The following RUBCNL variants were observed in gnomAD, a reference collection of about 807,000 sequenced individuals.
The protein encoded by RUBCNL is protein associated with UVRAG as autophagy enhancer.
In RUBCNL, 62 loss-of-function variants were observed where a neutral mutation model predicts 69.5. The observed-to-expected ratio is 0.89, with a 90% CI of 0.73 to 1.10. RUBCNL has a LOEUF of 1.10. Among genes scored for constraint, RUBCNL ranks in the 50% least tolerant of loss-of-function variants. The probability of loss-of-function intolerance (pLI) is 0.00; values close to 1 mark genes in which losing one functional copy is unlikely to be tolerated. For synonymous variants in RUBCNL, 291 were observed against 303.6 expected (o/e 0.96, Z 0.43); for missense variants, 768 against 798.1 (o/e 0.96, Z 0.45).
intron 9 of RUBCNL, among the ~76,000 whole-genome samples, chr13:46,357,285 A>G (rs1211848655): frequency 6.8e-6 from 1 of 146,970 alleles, no homozygotes; most frequent in Non-Finnish European, 1.5e-5. Flanking sequence ...GTGAGCCAAG[A>G]TCGCGCCACT....
Position 46,334,936 on chromosome 13 carries a change from G to T in RUBCNL, c.*8449C>A, listed in dbSNP as rs558783475. 6.6e-6 allele frequency among the ~76,000 whole-genome samples: 1 copy of T among 152,134 alleles called. No individual in the cohort carries two copies. On this transcript the variant is annotated 3_prime_UTR_variant, in exon 15 of 15. Transcript: ENST00000429979. ...GACTCACTGTACCCCAAAGGAAAGTGGGGGAAGATTTGGGGGTATACTAAG... is the reference window on the plus strand; with the variant it reads ...GACTCACTGTACCCCAAAGGAAAGTTGGGGAAGATTTGGGGGTATACTAAG...
intron 10 of RUBCNL, among the ~76,000 whole-genome samples, chr13:46,351,257 G>A (rs2048363017): frequency 6.6e-6 from 1 of 152,102 alleles, no homozygotes; most frequent in Non-Finnish European, 1.5e-5. Flanking sequence ...GCGAGACCCT[G>A]TCACAAATTG....
At chr13:46,359,168 T>C (rs2048555738) in intron 9 of RUBCNL, among the ~76,000 whole-genome samples, 1 of 152,052 alleles carries the variant, frequency 6.6e-6, no homozygotes, top group Non-Finnish European at 1.5e-5. Flanking sequence ...AATTTTTAAG[T>C]TTTGATATTA....
chr13:46,349,413 C>T (rs1388646676), intron 11 of RUBCNL, 66 bp from the exon 12 acceptor site: 7 of 1,437,034 alleles, frequency 4.9e-6, no homozygotes, highest in Non-Finnish European at 6.8e-6. Context: ...AAGTGCAAGT[C>T]AAATTTAAAT....
At position 46,337,203 on chromosome 13, in the gene RUBCNL, C is replaced by G. The variant is rs1404130935; in HGVS notation, c.*6182G>C. The stretch of plus-strand genomic sequence containing the variant: ...CTGTTGTCAGGCTGGAGTACAGTGG[C>G]GTGATCTCAGCTCACCGCAACCTTC... On this transcript the variant is annotated 3_prime_UTR_variant, in exon 15 of 15. Transcript: ENST00000429979. Among the ~76,000 whole-genome samples the G allele has an allele frequency of 6.6e-6, 1 of 151,974 alleles. No individual in the cohort carries two copies. The highest frequency in any genetic ancestry group is 1.5e-5 in the Non-Finnish European group (1 of 68,004).
At chr13:46,349,536 T>C (rs1321091359) in intron 11 of RUBCNL, among the ~76,000 whole-genome samples, 189 bp from the exon 12 acceptor site, 1 of 152,158 alleles carries the variant, frequency 6.6e-6, no homozygotes, top group East Asian at 1.9e-4. Flanking sequence ...GTGCCCTGGA[T>C]GGATCCAGGT....
chr13:46,357,425 C>T lies in RUBCNL; in HGVS notation c.1266-929G>A, dbSNP rs530254218. ...GGGGTTTTTAGGGAGGTCTCGATGC[C>T]CGTGTACAGGGTTCCAGCTCCAGAG... On this transcript the variant is annotated intron_variant, in intron 9 of 14. Transcript: ENST00000429979. Among the ~76,000 whole-genome samples the T allele has an allele frequency of 1.7e-4, 26 of 151,680 alleles. 2 individuals are homozygous for T. Among genetic ancestry groups the T allele is most frequent in the African/African-American group, 6.0e-4 (25 of 41,334 alleles).
upstream of RUBCNL, chr13:46,387,788 A>G (rs551048899): frequency 2.9e-4 from 281 of 985,370 alleles, no homozygotes; most frequent in Middle Eastern, 5.2e-3. Flanking sequence ...ACTGTCAGCA[A>G]CTCGTCACCT....
chr13:46,366,176 C>T (rs964516253), intron 5 of RUBCNL, among the ~76,000 whole-genome samples: 9 of 152,190 alleles, frequency 5.9e-5, no homozygotes, highest in African/African-American at 1.4e-4. Context: ...TCAGAGGGCA[C>T]GATCGTCCAT....
In RUBCNL at chr13:46,368,022, C is replaced by T. The variant is rs757344826; in HGVS notation, c.826+20G>A. 6.2e-7 allele frequency: 1 copy of T among 1,609,090 alleles called. No individual in the cohort carries two copies. Among genetic ancestry groups the T allele is most frequent in the East Asian group, 2.2e-5 (1 of 44,850 alleles). On this transcript the variant is annotated intron_variant, in intron 5 of 14. Transcript: ENST00000429979. ...TGTGAAACACATAACATACAGCTTTCTCATATTTGCCCAACTTGCCTTCAT... is the reference window on the plus strand; with the variant it reads ...TGTGAAACACATAACATACAGCTTTTTCATATTTGCCCAACTTGCCTTCAT...
intron 2 of RUBCNL, among the ~76,000 whole-genome samples, chr13:46,375,393 C>T (rs539705119): frequency 2.6e-5 from 4 of 152,180 alleles, no homozygotes; most frequent in South Asian, 2.1e-4. Flanking sequence ...ATTAGCTGGG[C>T]GTGGTGGCGG....
chr13:46,345,761 C>T (rs2048234113), intron 12 of RUBCNL, among the ~76,000 whole-genome samples, 161 bp from the exon 13 acceptor site: 1 of 152,108 alleles, frequency 6.6e-6, no homozygotes, highest in Non-Finnish European at 1.5e-5. Context: ...TGCTCGCCAC[C>T]ATTCTACATG....
At chr13:46,347,884 T>C (rs1286379792) in intron 12 of RUBCNL, among the ~76,000 whole-genome samples, 2 of 152,046 alleles carry the variant, frequency 1.3e-5, no homozygotes, top group African/African-American at 4.8e-5. Flanking sequence ...TCCCAGCTAC[T>C]TGGGAGGCTG....
intron 10 of RUBCNL, chr13:46,350,891 G>A (rs1233341344): frequency 1.3e-5 from 2 of 152,220 alleles, no homozygotes; most frequent in South Asian, 2.1e-4. Context: ...CACAAAGGAT[G>A]GGAATAGGTA....
At chr13:46,360,091 A>G (rs906470140) in intron 8 of RUBCNL, among the ~76,000 whole-genome samples, 1 of 152,178 alleles carries the variant, frequency 6.6e-6, no homozygotes, top group African/African-American at 2.4e-5. Context: ...ACTGTCATTT[A>G]AAATCCAAAC....
At position 46,335,848 on chromosome 13, in the gene RUBCNL, T is replaced by C. The variant is rs2048102078; in HGVS notation, c.*7537A>G. On this transcript the variant is annotated 3_prime_UTR_variant, in exon 15 of 15. Coordinates refer to ENST00000429979, the MANE Select transcript of RUBCNL (RefSeq NM_025113.5). The stretch of plus-strand genomic sequence containing the variant: ...GATGGAAAAGCCTGTAAAGAAATAC[T>C]AATACAAGCACAGCTATCAGTGGGC... 6.6e-6 allele frequency among the ~76,000 whole-genome samples: 1 copy of C among 152,220 alleles called. No individual in the cohort carries two copies. Among genetic ancestry groups the C allele is most frequent in the Non-Finnish European group, 1.5e-5 (1 of 68,042 alleles).
At chr13:46,354,600 G>C (rs963894181) in intron 10 of RUBCNL, among the ~76,000 whole-genome samples, 7 of 152,054 alleles carry the variant, frequency 4.6e-5, no homozygotes, top group African/African-American at 7.2e-5. Context: ...CTTGCCACAG[G>C]CCCTTTGCAC....
intron 3 of RUBCNL, among the ~76,000 whole-genome samples, chr13:46,370,614 T>A (rs767706325): frequency 1.3e-5 from 2 of 152,194 alleles, no homozygotes; most frequent in African/African-American, 2.4e-5. Flanking sequence ...GTCCTTGTCT[T>A]TGGGCAAAAG....
chr13:46,373,086 G>A (rs914588627), intron 2 of RUBCNL, among the ~76,000 whole-genome samples: 7 of 152,028 alleles, frequency 4.6e-5, no homozygotes, highest in Admixed American at 3.3e-4. Flanking sequence ...CTATTCTGGT[G>A]CCTCAGCCTC....
Sources: allele counts gnomAD v4.1 joint callset (sites outside exome capture counted in the v4.1 genomes callset), GRCh38; gene constraint gnomAD v4.1.1; transcripts MANE v1.5; gene names NCBI Gene and HGNC (gene_info 2026-07-23, HGNC 2026-07-21).